Variants in NTM observed in about 807,000 individuals in gnomAD.
NTM encodes the protein neurotrimin.
Under a neutral mutation model 42.1 loss-of-function variants are expected in NTM, and 13 were observed. The ratio of observed to expected loss-of-function variants is 0.31; its 90% CI spans 0.20 to 0.49. NTM has a LOEUF of 0.49. Ranked by LOEUF, NTM falls within the 20% of genes least tolerant of loss-of-function variation. The pLI is 0.99. For synonymous variants in NTM, 187 were observed against 179.2 expected, an observed-to-expected ratio of 1.04 and a Z score of -0.35; for missense variants, 373 against 452.8, an observed-to-expected ratio of 0.82 and a Z score of 1.60.
chr11:131,688,326 T>G (rs952829114), intron 1 of NTM, among the ~76,000 whole-genome samples: 8 of 152,090 alleles, frequency 5.3e-5, no homozygotes, highest in Non-Finnish European at 1.0e-4. Flanking sequence ...TGAAAGCGGG[T>G]TTCAAAGCAG....
At chr11:131,444,159 G>T (rs908238943) in intron 1 of NTM, among the ~76,000 whole-genome samples, 1 of 129,640 alleles carries the variant, frequency 7.7e-6, no homozygotes, top group Non-Finnish European at 1.6e-5. Flanking sequence ...GGTAGAGAAA[G>T]GGAAGTCAAA....
chr11:131,888,989 C>T (rs562917077), intron 1 of NTM, among the ~76,000 whole-genome samples: 68 of 151,876 alleles, frequency 4.5e-4, no homozygotes, highest in Non-Finnish European at 8.2e-4. Context: ...TTTCATTGAG[C>T]TGCAGCAGCA....
At chr11:131,622,365 G>A (rs896122576) in intron 1 of NTM, among the ~76,000 whole-genome samples, 6 of 152,138 alleles carry the variant, frequency 3.9e-5, no homozygotes, top group East Asian at 1.9e-4. Flanking sequence ...GTGATGCCTC[G>A]GGCCCCGGGC....
intron 1 of NTM, among the ~76,000 whole-genome samples, chr11:131,763,938 A>G (rs191196671): frequency 2.0e-5 from 3 of 152,024 alleles, no homozygotes; most frequent in East Asian, 3.9e-4. Context: ...ATTGAGGAGC[A>G]ATAATTATGT....
At chr11:131,585,321 C>A (rs2058756416) in intron 1 of NTM, among the ~76,000 whole-genome samples, 1 of 152,160 alleles carries the variant, frequency 6.6e-6, no homozygotes, top group Non-Finnish European at 1.5e-5. Context: ...GCCTTCCTGC[C>A]AGCTGGCCTG....
chr11:131,553,631 AC>A (rs1290591146), intron 1 of NTM, among the ~76,000 whole-genome samples: 4 of 151,904 alleles, frequency 2.6e-5, no homozygotes, highest in Non-Finnish European at 5.9e-5. Flanking sequence ...CACTACCAAA[AC>A]CTTAGAACTG....
intron 1 of NTM, among the ~76,000 whole-genome samples, chr11:131,783,360 A>C: frequency 6.6e-6 from 1 of 152,174 alleles, no homozygotes; most frequent in East Asian, 1.9e-4. Context: ...CGCCATATCC[A>C]TGGGTTGGAA....
chr11:132,238,164 T>A (rs1256506999), intron 4 of NTM, among the ~76,000 whole-genome samples: 2 of 152,106 alleles, frequency 1.3e-5, no homozygotes, highest in African/African-American at 4.8e-5. Context: ...CTTTTTGATA[T>A]ACCCTTAATC....
At chr11:131,746,155 C>T in intron 1 of NTM, among the ~76,000 whole-genome samples, 1 of 151,992 alleles carries the variant, frequency 6.6e-6, no homozygotes, top group East Asian at 1.9e-4. Flanking sequence ...TCAGAAGGAC[C>T]GTGAAGGTAG....
intron 4 of NTM, among the ~76,000 whole-genome samples, chr11:132,267,401 C>G (rs1253103047): frequency 6.6e-6 from 1 of 152,020 alleles, no homozygotes; most frequent in Non-Finnish European, 1.5e-5. Context: ...TTACGTATCT[C>G]CCTCCCTCAC....
At chr11:131,789,715 G>A (rs1406015653) in intron 1 of NTM, among the ~76,000 whole-genome samples, 2 of 151,430 alleles carry the variant, frequency 1.3e-5, no homozygotes, top group Admixed American at 6.6e-5. Flanking sequence ...CCAGCACTTT[G>A]GGAGGTGGAG....
chr11:132,289,376 G>A (rs1033062955), intron 4 of NTM, among the ~76,000 whole-genome samples: 1 of 152,144 alleles, frequency 6.6e-6, no homozygotes, highest in Non-Finnish European at 1.5e-5. Flanking sequence ...CAAAGCCTTT[G>A]GTGTACTGTC....
chr11:132,053,888 G>A (rs2079208516), intron 2 of NTM, among the ~76,000 whole-genome samples: 1 of 152,154 alleles, frequency 6.6e-6, no homozygotes, highest in Non-Finnish European at 1.5e-5. Context: ...CTGGACCTTA[G>A]GGTCTATTTA....
At chr11:132,330,708 G>A (rs776760542) in intron 8 of NTM, among the ~76,000 whole-genome samples, 7 of 152,154 alleles carry the variant, frequency 4.6e-5, no homozygotes, top group South Asian at 2.1e-4. Context: ...AGATGTTTCC[G>A]ATGGATAATT....
At chr11:131,429,346 C>T (rs1421857546) in intron 1 of NTM, among the ~76,000 whole-genome samples, 3 of 152,008 alleles carry the variant, frequency 2.0e-5, no homozygotes, top group Non-Finnish European at 2.9e-5. Flanking sequence ...ACAAGGACCC[C>T]CCGCCCAGCC....
rs115214102 is a variant in NTM, at chr11:131,927,704, T to C, written c.167+16056T>C. The stretch of plus-strand genomic sequence containing the variant: ...AAAGCAAATGTGGGATACTTGATAG[T>C]GTAGAAGGACACTTGATACCCAGAG... On this transcript the variant is annotated intron_variant, in intron 2 of 8. Transcript: ENST00000683400. 9.7e-3 allele frequency among the ~76,000 whole-genome samples: 1,481 copies of C among 152,296 alleles called. 23 individuals carry two copies. Among genetic ancestry groups the C allele is most frequent in the African/African-American group, 0.033 (1,362 of 41,550 alleles).
chr11:132,316,871 TTTTCCATGTCAG>T (rs1188154037), intron 7 of NTM, among the ~76,000 whole-genome samples: 14 of 152,198 alleles, frequency 9.2e-5, no homozygotes, highest in Admixed American at 9.2e-4. Flanking sequence ...TGTTAGGGAA[TTTTCCATGTCAG>T]TTTCCATTAA....
intron 4 of NTM, among the ~76,000 whole-genome samples, chr11:132,232,023 G>A (rs1333402414): frequency 6.6e-6 from 1 of 152,186 alleles, no homozygotes; most frequent in East Asian, 1.9e-4. Context: ...AGAGAGCCAG[G>A]AGGTTCACAG....
Position 132,121,942 on chromosome 11 carries a change from C to T in NTM, c.168-24340C>T, listed in dbSNP as rs574523263. On this transcript the variant is annotated intron_variant, in intron 2 of 8. Transcript: ENST00000683400. The stretch of plus-strand genomic sequence containing the variant: ...TAGTGCCAATTGCACAAAGCAGAAA[C>T]ACAAATTACCTGTATTCTGCAGACA... Among the ~76,000 whole-genome samples, 7 of 152,328 alleles carry T rather than the reference C, an allele frequency of 4.6e-5. 1 individual carries two copies. The highest frequency in any genetic ancestry group is 1.7e-4 in the African/African-American group (7 of 41,580).
Sources: gnomAD v4.1 joint callset for allele counts (sites outside exome capture counted in the v4.1 genomes callset) on GRCh38, gnomAD v4.1.1 for gene constraint, MANE v1.5 for transcripts, NCBI Gene and HGNC (gene_info 2026-07-23, HGNC 2026-07-21) for gene names.